Variants in BANP observed in about 807,000 individuals in gnomAD.
BANP encodes the protein BTG3 associated nuclear protein, also known as protein BANP.
In BANP, 11 loss-of-function variants were observed where a neutral mutation model predicts 68.1. That is an observed-to-expected ratio of 0.16 (90% CI 0.10 to 0.27). The LOEUF (loss-of-function observed/expected upper bound fraction) is 0.27, where lower values mean the gene tolerates loss of function less well. Ranked by LOEUF, BANP falls within the 10% of genes least tolerant of loss-of-function variation. The pLI is 1.00. For synonymous variants in BANP, 329 were observed against 303.2 expected (o/e 1.09, Z -0.88); for missense variants, 504 against 722.7 (o/e 0.70, Z 3.47).
chr16:87,950,791 A>G (rs2056729961), upstream of BANP: 1 of 152,172 alleles, frequency 6.6e-6, no homozygotes, highest in Non-Finnish European at 1.5e-5. Flanking sequence ...GACCATAATC[A>G]CTGCCGCGTG....
chr16:87,979,218 C>CA (rs1274080740), intron 2 of BANP, among the ~76,000 whole-genome samples: 2 of 152,096 alleles, frequency 1.3e-5, no homozygotes, highest in African/African-American at 4.8e-5. Context: ...ATGTATGTAA[C>CA]ACGTCTGAGG....
intron 11 of BANP, among the ~76,000 whole-genome samples, chr16:88,052,207 A>C (rs2083416427): frequency 6.6e-6 from 1 of 152,224 alleles, no homozygotes; most frequent in African/African-American, 2.4e-5. Context: ...ACTTCAGCTC[A>C]AATGTAGCAT....
intron 1 of BANP, among the ~76,000 whole-genome samples, chr16:87,963,924 T>C (rs2059612267): frequency 6.6e-6 from 1 of 152,232 alleles, no homozygotes; most frequent in African/African-American, 2.4e-5. Flanking sequence ...TTTTGTTTTA[T>C]GGGTGTCCAA....
chr16:88,061,162 C>T lies in BANP; in HGVS notation c.1312-4105C>T, dbSNP rs148078375. Among the ~76,000 whole-genome samples the T allele has an allele frequency of 9.8e-5, 15 of 152,310 alleles. No homozygotes were observed. The East Asian group carries it at 2.5e-3, about 25-fold the overall frequency. Reference sequence around the variant, plus strand: ...TTCATGCTGAAACGCTGGAGCCAGCCGCAGAGCACTGTGGAGACTGCTGTG... The same window carrying T: ...TTCATGCTGAAACGCTGGAGCCAGCTGCAGAGCACTGTGGAGACTGCTGTG... On this transcript the variant is annotated intron_variant, in intron 11 of 13. Transcript: ENST00000682872.
intron 13 of BANP, among the ~76,000 whole-genome samples, chr16:88,073,706 G>A (rs968005363): frequency 6.6e-6 from 1 of 152,218 alleles, no homozygotes; most frequent in Non-Finnish European, 1.5e-5. Context: ...AGATAGGAGC[G>A]CTGCAGGAGG....
chr16:88,022,491 C>T (rs1353741195), intron 7 of BANP, among the ~76,000 whole-genome samples: 2 of 152,344 alleles, frequency 1.3e-5, no homozygotes, highest in Middle Eastern at 3.4e-3. Flanking sequence ...TCAAATCATT[C>T]ACTCCAAGCC....
At chr16:87,989,476 C>A (rs1393699015) in intron 4 of BANP, among the ~76,000 whole-genome samples, 2 of 152,232 alleles carry the variant, frequency 1.3e-5, no homozygotes, top group African/African-American at 4.8e-5. Flanking sequence ...GTCTGTACTT[C>A]GAAGCTGGAC....
At chr16:88,013,197 G>A (rs994996833) in intron 6 of BANP, among the ~76,000 whole-genome samples, 11 of 152,254 alleles carry the variant, frequency 7.2e-5, no homozygotes, top group Admixed American at 6.5e-5. Flanking sequence ...CTGCGACCTC[G>A]ATCAGGGTCA....
intron 1 of BANP, among the ~76,000 whole-genome samples, chr16:87,968,100 T>C (rs995001801): frequency 6.6e-6 from 1 of 151,826 alleles, no homozygotes; most frequent in Non-Finnish European, 1.5e-5. Context: ...TTAAAGGTTC[T>C]GAAAGCAATC....
At chr16:88,041,464 C>A (rs1165794032) in intron 11 of BANP, among the ~76,000 whole-genome samples, 2 of 152,154 alleles carry the variant, frequency 1.3e-5, no homozygotes, top group Non-Finnish European at 2.9e-5. Context: ...CTAGTCACAT[C>A]CCACAGTTGC....
Position 88,033,204 on chromosome 16 carries a change from G to A in BANP, c.1159G>A (p.Val387Met). ...LHYALANAQQ[V>M]QIHQIGEDGQ... Reference sequence around the variant, plus strand: ...CTACGCGCTGGCCAACGCACAGCAGGTGCAGATCCACCAGATCGGAGAAGA... The same window carrying A: ...CTACGCGCTGGCCAACGCACAGCAGATGCAGATCCACCAGATCGGAGAAGA... The change falls in exon 9 of 14, where the codon GTG (valine) becomes ATG (methionine). Residue 387 changes from valine to methionine, a missense_variant. Transcript: ENST00000682872. 2 of 1,609,790 alleles carry A rather than the reference G, an allele frequency of 1.2e-6. No homozygotes were observed. Among genetic ancestry groups the A allele is most frequent in the Middle Eastern group, 1.7e-4 (1 of 6,040 alleles).
chr16:88,049,340 G>A (rs534464690), intron 11 of BANP, among the ~76,000 whole-genome samples: 33 of 152,310 alleles, frequency 2.2e-4, no homozygotes, highest in Middle Eastern at 6.8e-3. Context: ...TAGGCTACGG[G>A]TGTGGAGACA....
At chr16:88,017,546 C>T (rs944114776) in intron 6 of BANP, 8 of 152,308 alleles carry the variant, frequency 5.3e-5, no homozygotes, top group African/African-American at 1.4e-4. Context: ...AGAAGGAATC[C>T]GTGGTTCAGA....
At chr16:87,983,380 C>T (rs1232719483) in intron 3 of BANP, among the ~76,000 whole-genome samples, 1 of 152,114 alleles carries the variant, frequency 6.6e-6, no homozygotes, top group Non-Finnish European at 1.5e-5. Context: ...CTGGCTGGGA[C>T]GGCAGCTGGG....
At chr16:87,977,931 A>G (rs1185488433) in intron 2 of BANP, among the ~76,000 whole-genome samples, 2 of 152,120 alleles carry the variant, frequency 1.3e-5, no homozygotes, top group African/African-American at 4.8e-5. Flanking sequence ...TGTCTCCTGG[A>G]TTCAAGCGAT....
rs112336094 is a variant in BANP, at chr16:88,054,853, A to T, written c.1312-10414A>T. On this transcript the variant is annotated intron_variant, in intron 11 of 13. Coordinates refer to ENST00000682872, the MANE Select transcript of BANP (RefSeq NM_001386991.1). The stretch of plus-strand genomic sequence containing the variant: ...TGTTGCTTCAGGATAAAGCCTTCAC[A>T]GTGTTGAATTTGGATTCTGCAGATT... Among the ~76,000 whole-genome samples the T allele has an allele frequency of 4.3e-3, 650 of 152,316 alleles. 5 individuals carry two copies. The highest frequency in any genetic ancestry group is 0.014 in the African/African-American group (590 of 41,562).
rs539247745 is a variant in BANP at position 88,010,854 on chromosome 16, C to G, written c.655+4589C>G. On this transcript the variant is annotated intron_variant, in intron 6 of 13. Coordinates refer to ENST00000682872, the MANE Select transcript of BANP (RefSeq NM_001386991.1). The stretch of plus-strand genomic sequence containing the variant: ...AAGGAGAACGTGTAGCCACGCTATG[C>G]TGTGCCGATTCACACACCTCGCAGT... Among the ~76,000 whole-genome samples, 3 of 151,900 alleles carry G rather than the reference C, an allele frequency of 2.0e-5. No homozygotes were observed. In the South Asian group the frequency reaches 6.3e-4, roughly 32 times the overall value.
intron 3 of BANP, among the ~76,000 whole-genome samples, chr16:87,981,365 C>T (rs1439257230): frequency 1.3e-5 from 2 of 152,222 alleles, no homozygotes; most frequent in Admixed American, 6.5e-5. Flanking sequence ...GGGGCTCCTT[C>T]CAGCTCTGCC....
intron 1 of BANP, among the ~76,000 whole-genome samples, chr16:87,965,812 C>T (rs2059918566): frequency 6.6e-6 from 1 of 152,180 alleles, no homozygotes; most frequent in Non-Finnish European, 1.5e-5. Flanking sequence ...AGACACATCA[C>T]TTGGTTGTAG....
Sources: allele counts gnomAD v4.1 joint callset (sites outside exome capture counted in the v4.1 genomes callset), GRCh38; gene constraint gnomAD v4.1.1; transcripts MANE v1.5; gene names NCBI Gene and HGNC (gene_info 2026-07-23, HGNC 2026-07-21).